The following PPP2R2C variants were observed in gnomAD, a reference collection of about 807,000 sequenced individuals.
PPP2R2C encodes protein phosphatase 2 regulatory subunit Bgamma.
A neutral mutation model predicts 45.3 loss-of-function variants in PPP2R2C; 10 were observed. The observed-to-expected ratio is 0.22, with a 90% CI of 0.14 to 0.37. The LOEUF (loss-of-function observed/expected upper bound fraction) is 0.37. PPP2R2C is among the 10% of genes least tolerant of loss of function. PPP2R2C has a pLI of 1.00. For missense variants in PPP2R2C, 308 were observed against 619.7 expected (o/e 0.50, Z 5.34); for synonymous variants, 257 against 245.4 (o/e 1.05, Z -0.44).
intron 1 of PPP2R2C, among the ~76,000 whole-genome samples, chr4:6,431,911 G>A (rs564280490): frequency 7.9e-5 from 12 of 152,230 alleles, no homozygotes; most frequent in African/African-American, 1.4e-4. Context: ...GTCCAAGATC[G>A]AGGTGTAGAA....
At chr4:6,451,429 C>T (rs1234886872) in intron 1 of PPP2R2C, among the ~76,000 whole-genome samples, 1 of 152,146 alleles carries the variant, frequency 6.6e-6, no homozygotes, top group African/African-American at 2.4e-5. Context: ...CAAATTCCAT[C>T]GAAAACATAT....
At chr4:6,346,235 C>T (rs1039232955) in intron 6 of PPP2R2C, among the ~76,000 whole-genome samples, 3 of 152,216 alleles carry the variant, frequency 2.0e-5, no homozygotes, top group African/African-American at 4.8e-5. Context: ...CTCCTCAAGT[C>T]CCAATCTCGT....
At chr4:6,370,683 C>T (rs1399580779) in intron 5 of PPP2R2C, among the ~76,000 whole-genome samples, 2 of 152,142 alleles carry the variant, frequency 1.3e-5, no homozygotes, top group East Asian at 3.9e-4. Flanking sequence ...GGCAATCAGC[C>T]CAGAGAGCCA....
chr4:6,421,460 G>T (rs1718958061), intron 1 of PPP2R2C, among the ~76,000 whole-genome samples: 1 of 152,138 alleles, frequency 6.6e-6, no homozygotes, highest in Non-Finnish European at 1.5e-5. Flanking sequence ...TGACACCTAA[G>T]TGTTTGATAA....
At chr4:6,472,106 C>T in intron 1 of PPP2R2C, 54 bp downstream of exon 1, 3 of 1,609,698 alleles carry the variant, frequency 1.9e-6, no homozygotes, top group Non-Finnish European at 2.5e-6. Flanking sequence ...TTCGGTGCGA[C>T]GGCATCCCCA....
intron 1 of PPP2R2C, among the ~76,000 whole-genome samples, chr4:6,554,563 AATTG>A (rs1413398461): frequency 1.3e-5 from 2 of 152,166 alleles, no homozygotes; most frequent in African/African-American, 4.8e-5. Flanking sequence ...GAATAACAGA[AATTG>A]ATTGCTCACT....
chr4:6,359,962 C>G (rs1045755268), intron 5 of PPP2R2C, among the ~76,000 whole-genome samples: 2 of 152,240 alleles, frequency 1.3e-5, no homozygotes, highest in East Asian at 3.8e-4. Flanking sequence ...CCACAAACGC[C>G]AAAAGCAGTG....
chr4:6,421,285 C>T (rs557656682), intron 1 of PPP2R2C, among the ~76,000 whole-genome samples: 139 of 152,214 alleles, frequency 9.1e-4, no homozygotes, highest in African/African-American at 3.3e-3. Flanking sequence ...GAAGGCCGTG[C>T]GGGTCAGCAG....
chr4:6,512,205 G>T (rs1577231275), intron 2 of PPP2R2C, among the ~76,000 whole-genome samples: 1 of 105,300 alleles, frequency 9.5e-6, no homozygotes, highest in African/African-American at 4.0e-5. Flanking sequence ...TGGTGATGGT[G>T]GTGGTGATGG....
chr4:6,444,860 T>C (rs1339960001), intron 1 of PPP2R2C, among the ~76,000 whole-genome samples: 1 of 152,138 alleles, frequency 6.6e-6, no homozygotes, highest in Non-Finnish European at 1.5e-5. Flanking sequence ...TTCCATGTGT[T>C]CACCTTCACA....
intron 5 of PPP2R2C, among the ~76,000 whole-genome samples, 191 bp from the exon 6 acceptor site, chr4:6,348,201 C>T (rs1042831404): frequency 6.6e-6 from 1 of 151,986 alleles, no homozygotes; most frequent in African/African-American, 2.4e-5. Flanking sequence ...TGCTGGCTAC[C>T]CCTTCTAGGT....
intron 5 of PPP2R2C, among the ~76,000 whole-genome samples, chr4:6,359,930 A>G (rs574160968): frequency 8.5e-5 from 13 of 152,390 alleles, no homozygotes; most frequent in South Asian, 2.1e-4. Context: ...AGCTCAAGAG[A>G]GAAGCAAGTA....
At chr4:6,325,986 G>A (rs1224278884) in intron 8 of PPP2R2C, among the ~76,000 whole-genome samples, 1 of 152,236 alleles carries the variant, frequency 6.6e-6, no homozygotes, top group Non-Finnish European at 1.5e-5. Flanking sequence ...GTTGCAGCGA[G>A]CCGAGATGGC....
At chr4:6,522,032 G>T (rs1724042522) in intron 2 of PPP2R2C, among the ~76,000 whole-genome samples, 1 of 152,114 alleles carries the variant, frequency 6.6e-6, no homozygotes, top group Non-Finnish European at 1.5e-5. Context: ...TGAGCTCTGG[G>T]AACAGAGAAG....
chr4:6,339,866 C>A (rs181511330), intron 6 of PPP2R2C, among the ~76,000 whole-genome samples: 2 of 152,204 alleles, frequency 1.3e-5, no homozygotes, highest in African/African-American at 4.8e-5. Flanking sequence ...GCCAGCTGGC[C>A]TCACCTCAGG....
At position 6,524,552 on chromosome 4, in the gene PPP2R2C, G is replaced by A. The variant is rs115914102; in HGVS notation, c.49+10719C>T. Among the ~76,000 whole-genome samples, 731 of 152,310 alleles carry A rather than the reference G, an allele frequency of 4.8e-3. 5 individuals carry two copies. The highest frequency in any genetic ancestry group is 8.2e-3 in the Non-Finnish European group (561 of 68,026). On this transcript the variant is annotated intron_variant, in intron 2 of 9. Transcript: ENST00000506140. ...CAGGCAGCATTTATGGACACAAAAC[G>A]GAAGAGAGGGTCAAGACAGCTTGAC...
At position 6,330,130 on chromosome 4, in the gene PPP2R2C, C is replaced by T. The variant is rs1419485839; in HGVS notation, c.961-777G>A. ...TACCCCACAGGAGAGAGGGTGACAC[C>T]CCAGGACCTGCATCCACCTGACTGC... On this transcript the variant is annotated intron_variant, in intron 7 of 8. Coordinates refer to ENST00000382599, the MANE Select transcript of PPP2R2C (RefSeq NM_020416.4). The surrounding 1 kb of genome is among the most constrained non-coding windows in gnomAD (Gnocchi z 7.0). Among the ~76,000 whole-genome samples the T allele has an allele frequency of 6.6e-6, 1 of 152,146 alleles. No homozygotes were observed. Among genetic ancestry groups the T allele is most frequent in the African/African-American group, 2.4e-5 (1 of 41,428 alleles).
In PPP2R2C at chr4:6,350,296, G is replaced by T. The variant is rs56366148; in HGVS notation, c.626-2286C>A. 5.2e-3 allele frequency: 5,111 copies of T among 985,436 alleles called. 18 individuals carry two copies. Among genetic ancestry groups the T allele is most frequent in the Middle Eastern group, 7.8e-3 (15 of 1,914 alleles). The allele number at this position is 985,436 out of a possible 1,614,324, so 61.0% of individuals were successfully genotyped here. A position where few individuals can be genotyped will look rare whatever the true frequency, so the allele number is the denominator to read the frequency against. On this transcript the variant is annotated intron_variant, in intron 5 of 8. Transcript: ENST00000382599. ...CATGGCTTTCCAGGACACGCTGCCCGCTCGGAGCAGCTCTCAGGTCCTTAC... is the reference window on the plus strand; with the variant it reads ...CATGGCTTTCCAGGACACGCTGCCCTCTCGGAGCAGCTCTCAGGTCCTTAC...
intron 1 of PPP2R2C, among the ~76,000 whole-genome samples, chr4:6,439,795 C>G (rs16838845): frequency 0.012 from 1,812 of 152,336 alleles, 27 homozygotes; most frequent in African/African-American, 0.042. Context: ...ATGACACTCT[C>G]AGGAGTCCTT....
Sources: allele counts gnomAD v4.1 joint callset (sites outside exome capture counted in the v4.1 genomes callset), GRCh38; gene constraint gnomAD v4.1.1; non-coding constraint Gnocchi (gnomAD v3.1); transcripts MANE v1.5; gene names NCBI Gene and HGNC (gene_info 2026-07-23, HGNC 2026-07-21).